ADSS2: variants seen among roughly 807,000 people sequenced by gnomAD.
The protein encoded by ADSS2 is adenylosuccinate synthetase isozyme 2.
ADSS2 carries 30 observed loss-of-function variants against 60.0 expected under a neutral mutation model. That is an observed-to-expected ratio of 0.50 (90% CI 0.37 to 0.68). The LOEUF is 0.68. ADSS2 is among the 30% of genes least tolerant of loss of function. ADSS2 has a pLI of 0.00. For missense variants in ADSS2, 373 were observed against 554.8 expected (o/e 0.67, Z 3.29); for synonymous variants, 187 against 193.1 (o/e 0.97, Z 0.26).
intron 1 of ADSS2, among the ~76,000 whole-genome samples, chr1:244,448,449 A>G (rs1665447596): frequency 6.6e-6 from 1 of 152,140 alleles, no homozygotes; most frequent in Admixed American, 6.6e-5. Context: ...GACTAACTTT[A>G]GTATTTTCTC....
At chr1:244,421,428 A>G (rs1664672966) in intron 7 of ADSS2, among the ~76,000 whole-genome samples, 1 of 152,210 alleles carries the variant, frequency 6.6e-6, no homozygotes, top group South Asian at 2.1e-4. Flanking sequence ...CATGGGCTAT[A>G]GTCTTCAATT....
chr1:244,443,144 C>T (rs1227444624), intron 1 of ADSS2, among the ~76,000 whole-genome samples: 2 of 152,162 alleles, frequency 1.3e-5, no homozygotes, highest in Non-Finnish European at 2.9e-5. Context: ...TAGTACCAAA[C>T]AAATGATGGG....
intron 2 of ADSS2, among the ~76,000 whole-genome samples, chr1:244,437,192 T>A (rs1665124559): frequency 6.6e-6 from 1 of 152,102 alleles, no homozygotes. Context: ...TCTTTCAAGT[T>A]GGGGAATCAC....
chr1:244,440,193 G>A (rs1009124244), intron 1 of ADSS2, among the ~76,000 whole-genome samples: 1 of 152,200 alleles, frequency 6.6e-6, no homozygotes, highest in Admixed American at 6.5e-5. Flanking sequence ...TCCTGTAGGA[G>A]AACAATTGGT....
At chr1:244,421,594 C>T (rs1167299893) in intron 7 of ADSS2, among the ~76,000 whole-genome samples, 1 of 152,180 alleles carries the variant, frequency 6.6e-6, no homozygotes, top group African/African-American at 2.4e-5. Context: ...TTTACATTCA[C>T]ATGGAACACA....
intron 4 of ADSS2, among the ~76,000 whole-genome samples, chr1:244,431,048 G>A (rs943273735): frequency 3.9e-5 from 6 of 152,062 alleles, no homozygotes; most frequent in African/African-American, 1.4e-4. Context: ...GAACCCGGGA[G>A]GCAGAGGTTG....
At chr1:244,417,903 G>T (rs1664577085) in intron 9 of ADSS2, 151 bp from the exon 10 acceptor site, 1 of 666,462 alleles carries the variant, frequency 1.5e-6, no homozygotes, top group Admixed American at 3.6e-5. Flanking sequence ...CAGAGATGAT[G>T]AATTTTATCT....
intron 1 of ADSS2, among the ~76,000 whole-genome samples, chr1:244,443,844 G>A (rs1448951872): frequency 6.6e-6 from 1 of 152,180 alleles, no homozygotes; most frequent in Admixed American, 6.5e-5. Flanking sequence ...GAGTGGCGGA[G>A]CGGCTCTCCA....
intron 7 of ADSS2, 35 bp downstream of exon 7, chr1:244,422,800 T>C (rs777053387): frequency 4.5e-5 from 68 of 1,502,648 alleles, no homozygotes; most frequent in Non-Finnish European, 3.7e-6. Context: ...CAAACAAGTA[T>C]TAAAAAGAAC....
At chr1:244,442,269 A>T (rs972886163) in intron 1 of ADSS2, among the ~76,000 whole-genome samples, 3 of 151,378 alleles carry the variant, frequency 2.0e-5, no homozygotes, top group Admixed American at 2.0e-4. Context: ...ACACACACAC[A>T]AATTTTTTAG....
At chr1:244,429,279 G>A (rs565033815) in intron 4 of ADSS2, among the ~76,000 whole-genome samples, 6 of 152,056 alleles carry the variant, frequency 3.9e-5, no homozygotes, top group Non-Finnish European at 5.9e-5. Context: ...ATTGTACTAC[G>A]CTCCATATCA....
chr1:244,440,387 G>A (rs1005039543), intron 1 of ADSS2, among the ~76,000 whole-genome samples: 4 of 152,096 alleles, frequency 2.6e-5, no homozygotes, highest in African/African-American at 7.2e-5. Flanking sequence ...GTTTTGCACC[G>A]TATAAAGCAA....
intron 1 of ADSS2, among the ~76,000 whole-genome samples, chr1:244,445,290 T>C (rs1307628835): frequency 6.6e-6 from 1 of 152,198 alleles, no homozygotes; most frequent in Non-Finnish European, 1.5e-5. Flanking sequence ...TACAACATAA[T>C]ATACACCTTG....
intron 1 of ADSS2, among the ~76,000 whole-genome samples, chr1:244,449,959 A>G (rs540932619): frequency 6.6e-6 from 1 of 152,356 alleles, no homozygotes; most frequent in Admixed American, 6.5e-5. Context: ...TCCATAGAAT[A>G]TTAAAATTGA....
intron 4 of ADSS2, among the ~76,000 whole-genome samples, chr1:244,432,022 G>A (rs1411390380): frequency 1.3e-5 from 2 of 152,152 alleles, no homozygotes; most frequent in Non-Finnish European, 2.9e-5. Context: ...TCTGGTTATT[G>A]TCTCTTAAAT....
chr1:244,436,124 G>A (rs185834929), intron 3 of ADSS2, among the ~76,000 whole-genome samples: 1 of 152,312 alleles, frequency 6.6e-6, no homozygotes, highest in African/African-American at 2.4e-5. Flanking sequence ...CGCTGCATGA[G>A]GTCGGGTATG....
chr1:244,420,232 T>G lies in ADSS2; in HGVS notation c.728A>C (p.His243Pro). 1 of 1,613,822 alleles carries G rather than the reference T, an allele frequency of 6.2e-7. No individual in the cohort carries two copies. The highest frequency in any genetic ancestry group is 8.5e-7 in the Non-Finnish European group (1 of 1,179,808). ...TACCAAGATTTTCTTTGGTGGTCCA[T>G]GTAGGGCCTCATATAGAAAATAAAC... ...DGVYFLYEALHGPPKKILVEG... is the reference protein window; with the variant it reads ...DGVYFLYEALPGPPKKILVEG... Residue 243 changes from histidine to proline, a missense_variant, in exon 8 of 13, where the codon CAT becomes CCT. Coordinates refer to ENST00000366535, the MANE Select transcript of ADSS2 (RefSeq NM_001126.5).
At chr1:244,415,123 T>C (rs1394917872) in intron 11 of ADSS2, among the ~76,000 whole-genome samples, 1 of 152,252 alleles carries the variant, frequency 6.6e-6, no homozygotes, top group Non-Finnish European at 1.5e-5. Context: ...ATTAAAAGAA[T>C]TTGCTGTAAT....
rs982252726 is a variant in ADSS2, at chr1:244,422,744, C to G, written c.663+91G>C. The stretch of plus-strand genomic sequence containing the variant: ...AGACAAACAATTTCCTTTGCCAGTT[C>G]TTACCCAAAGCCTGCATGAATGAAA... On this transcript the variant is annotated intron_variant, in intron 7 of 12. Coordinates refer to ENST00000366535, the MANE Select transcript of ADSS2 (RefSeq NM_001126.5). The G allele has an allele frequency of 7.3e-6, 7 of 955,220 alleles. No homozygotes were observed. The African/African-American group carries it at 1.1e-4, about 16-fold the overall frequency. The allele number at this position is 955,220 out of a possible 1,614,324, so 59.2% of individuals were successfully genotyped here. A position where few individuals can be genotyped will look rare whatever the true frequency, so the allele number is the denominator to read the frequency against.
Sources: gnomAD v4.1 joint callset for allele counts (sites outside exome capture counted in the v4.1 genomes callset) on GRCh38, gnomAD v4.1.1 for gene constraint, MANE v1.5 for transcripts, NCBI Gene and HGNC (gene_info 2026-07-23, HGNC 2026-07-21) for gene names.